The following MACROD2 variants were observed in gnomAD, a reference collection of about 807,000 sequenced individuals.
MACROD2 encodes the protein mono-ADP ribosylhydrolase 2, also known as ADP-ribose glycohydrolase MACROD2.
In MACROD2, 36 loss-of-function variants were observed where a neutral mutation model predicts 70.4. The observed-to-expected ratio is 0.51, with a 90% CI of 0.39 to 0.68. MACROD2 has a LOEUF of 0.68. MACROD2 is among the 30% of genes least tolerant of loss of function. The pLI is 0.00. For missense variants in MACROD2, 496 were observed against 538.4 expected, an observed-to-expected ratio of 0.92 and a Z score of 0.78; for synonymous variants, 172 against 178.8, an observed-to-expected ratio of 0.96 and a Z score of 0.30.
chr20:15,720,052 T>C (rs1175309137), intron 8 of MACROD2, among the ~76,000 whole-genome samples: 2 of 152,226 alleles, frequency 1.3e-5, no homozygotes, highest in Non-Finnish European at 2.9e-5. Context: ...AAATGTTGTA[T>C]CTGCTTTCTG....
chr20:15,017,546 C>T lies in MACROD2; in HGVS notation c.419-212394C>T, dbSNP rs140658582. Among the ~76,000 whole-genome samples the T allele has an allele frequency of 6.2e-3, 941 of 152,284 alleles. 9 individuals are homozygous for T. Among genetic ancestry groups the T allele is most frequent in the African/African-American group, 0.011 (439 of 41,556 alleles). Reference sequence around the variant, plus strand: ...GTCCTCTTCTCACAGCTCCACTAGGCGGTACCCCAGTAGGGACTGTGTGTT... The same window carrying T: ...GTCCTCTTCTCACAGCTCCACTAGGTGGTACCCCAGTAGGGACTGTGTGTT... On this transcript the variant is annotated intron_variant, in intron 5 of 17. Transcript: ENST00000684519.
At chr20:14,040,426 A>G (rs1050150035) in intron 2 of MACROD2, among the ~76,000 whole-genome samples, 5 of 152,198 alleles carry the variant, frequency 3.3e-5, no homozygotes, top group African/African-American at 7.2e-5. Context: ...TTATATTTCA[A>G]TAAGTTTTTG....
chr20:15,019,060 AAC>A (rs903859173), intron 5 of MACROD2, among the ~76,000 whole-genome samples: 9 of 152,144 alleles, frequency 5.9e-5, no homozygotes, highest in Non-Finnish European at 1.2e-4. Context: ...AGCAACACAA[AAC>A]AGACTAATAC....
At chr20:14,462,818 T>C (rs1427567254) in intron 3 of MACROD2, among the ~76,000 whole-genome samples, 2 of 151,982 alleles carry the variant, frequency 1.3e-5, no homozygotes. Flanking sequence ...TTGTTTTTGT[T>C]AGGTTTGTCA....
At chr20:14,216,721 C>G (rs2081626102) in intron 3 of MACROD2, among the ~76,000 whole-genome samples, 1 of 151,992 alleles carries the variant, frequency 6.6e-6, no homozygotes, top group Non-Finnish European at 1.5e-5. Flanking sequence ...GGTCTTTCGA[C>G]TCCTTGGTTA....
In MACROD2 at chr20:14,652,235, A is replaced by G. The variant is rs144116573; in HGVS notation, c.302-32608A>G. Among the ~76,000 whole-genome samples, 99 of 152,320 alleles carry G rather than the reference A, an allele frequency of 6.5e-4. 2 individuals carry two copies. In the East Asian group the frequency reaches 0.013, roughly 20 times the overall value. On this transcript the variant is annotated intron_variant, in intron 4 of 17. Coordinates refer to ENST00000684519, the MANE Select transcript of MACROD2 (RefSeq NM_001351661.2). ...TTTATCTTTTAACCCCAAATGATTA[A>G]CCTGTAAGCTGTGACTTTCAGTGTT...
At chr20:15,659,304 CTTTTTTTTTTTTTT>C (rs11468344) in intron 8 of MACROD2, among the ~76,000 whole-genome samples, 4 of 67,220 alleles carry the variant, frequency 6.0e-5, no homozygotes, top group Non-Finnish European at 7.7e-5. Flanking sequence ...GATAGCACAG[CTTTTTTTTTTTTTT>C]TTTTTTTTTT....
At chr20:15,434,648 A>G (rs1205662941) in intron 7 of MACROD2, among the ~76,000 whole-genome samples, 3 of 152,180 alleles carry the variant, frequency 2.0e-5, no homozygotes, top group Non-Finnish European at 4.4e-5. Context: ...CTACCATTCC[A>G]TCCAGCAATC....
rs190636418 is a variant in MACROD2 at position 14,567,537 on chromosome 20, A to G, written c.301+74029A>G. Among the ~76,000 whole-genome samples, 12 of 152,166 alleles carry G rather than the reference A, an allele frequency of 7.9e-5. No individual in the cohort carries two copies. The East Asian group carries it at 2.3e-3, about 29-fold the overall frequency. On this transcript the variant is annotated intron_variant, in intron 4 of 17. Coordinates refer to ENST00000684519, the MANE Select transcript of MACROD2 (RefSeq NM_001351661.2). ...CACTCTTCAGCCAGAACATGCTAGC[A>G]TGGCTATACTTGTTATTTATGGTGA...
intron 8 of MACROD2, among the ~76,000 whole-genome samples, chr20:15,715,575 G>A (rs1424122495): frequency 2.6e-5 from 4 of 152,144 alleles, no homozygotes; most frequent in Non-Finnish European, 5.9e-5. Flanking sequence ...GAACTAGACA[G>A]TATTTTGTGG....
intron 7 of MACROD2, among the ~76,000 whole-genome samples, chr20:15,487,633 A>G (rs1459911955): frequency 1.3e-5 from 2 of 152,142 alleles, no homozygotes; most frequent in African/African-American, 4.8e-5. Flanking sequence ...CTACCAGCGG[A>G]TGAAGTCAGA....
chr20:14,901,633 T>A (rs560663578), intron 5 of MACROD2, among the ~76,000 whole-genome samples: 1 of 152,312 alleles, frequency 6.6e-6, no homozygotes, highest in Non-Finnish European at 1.5e-5. Context: ...TACAATATGC[T>A]GTATATTTAA....
Position 15,949,055 on chromosome 20 carries a change from G to A in MACROD2, c.907+11511G>A, listed in dbSNP as rs561603171. ...AGTGGCCTTGTTTTTGAATTCCTTG[G>A]GCCAAGCCATGAAGTCTTTATGAGT... On this transcript the variant is annotated intron_variant, in intron 12 of 17. Coordinates refer to ENST00000684519, the MANE Select transcript of MACROD2 (RefSeq NM_001351661.2). 2.0e-5 allele frequency among the ~76,000 whole-genome samples: 3 copies of A among 152,090 alleles called. No individual in the cohort carries two copies. The South Asian group carries it at 6.2e-4, about 32-fold the overall frequency.
Position 14,050,508 on chromosome 20 carries a change from G to C in MACROD2, c.164-35113G>C, listed in dbSNP as rs542628204. 2.2e-4 allele frequency among the ~76,000 whole-genome samples: 34 copies of C among 152,216 alleles called. No homozygotes were observed. In the South Asian group the frequency reaches 7.0e-3, roughly 32 times the overall value. ...AAGATGGCTTCAGAGACGGACAGAC[G>C]TGTAGATCTATAGGAGAAACCCAGG... is the stretch of plus-strand genomic sequence containing the variant. On this transcript the variant is annotated intron_variant, in intron 2 of 17. Transcript: ENST00000684519.
intron 4 of MACROD2, among the ~76,000 whole-genome samples, chr20:14,499,983 T>C (rs2084898497): frequency 6.6e-6 from 1 of 152,076 alleles, no homozygotes; most frequent in Admixed American, 6.5e-5. Context: ...GCAGGGAAAA[T>C]GAAACAGAAC....
chr20:15,646,298 CCTT>C (rs1229732954), intron 8 of MACROD2, among the ~76,000 whole-genome samples: 1 of 152,152 alleles, frequency 6.6e-6, no homozygotes, highest in Admixed American at 6.5e-5. Flanking sequence ...AAGAACTAAA[CCTT>C]CTGATGAGCC....
At chr20:15,953,721 T>C (rs2065938653) in intron 12 of MACROD2, among the ~76,000 whole-genome samples, 1 of 152,186 alleles carries the variant, frequency 6.6e-6, no homozygotes, top group Non-Finnish European at 1.5e-5. Flanking sequence ...TAAATGATAG[T>C]ATGTTTTGAT....
At chr20:14,841,426 A>G (rs1220929117) in intron 5 of MACROD2, among the ~76,000 whole-genome samples, 1 of 152,200 alleles carries the variant, frequency 6.6e-6, no homozygotes, top group Non-Finnish European at 1.5e-5. Context: ...TGGAAAAGAT[A>G]AAGAAGTAAT....
chr20:14,473,532 T>C (rs549183411), intron 3 of MACROD2, among the ~76,000 whole-genome samples: 20 of 152,202 alleles, frequency 1.3e-4, no homozygotes, highest in Non-Finnish European at 2.2e-4. Context: ...CACCAAATTT[T>C]TCAATCTGTT....
Sources: allele counts gnomAD v4.1 joint callset (sites outside exome capture counted in the v4.1 genomes callset), GRCh38; gene constraint gnomAD v4.1.1; transcripts MANE v1.5; gene names NCBI Gene and HGNC (gene_info 2026-07-23, HGNC 2026-07-21).